Variants in LRRFIP1 observed in about 807,000 individuals in gnomAD.
The protein encoded by LRRFIP1 is LRR binding FLII interacting protein 1, also known as leucine-rich repeat flightless-interacting protein 1.
Under a neutral mutation model 104.4 loss-of-function variants are expected in LRRFIP1, and 62 were observed. The observed-to-expected ratio is 0.59, with a 90% CI of 0.48 to 0.73. The LOEUF (loss-of-function observed/expected upper bound fraction) is 0.73, where lower values mean the gene tolerates loss of function less well. Among genes scored for constraint, LRRFIP1 ranks in the 30% least tolerant of loss-of-function variants. The probability of loss-of-function intolerance (pLI) is 0.00; values close to 1 mark genes in which losing one functional copy is unlikely to be tolerated. For missense variants in LRRFIP1, 796 were observed against 824.5 expected (o/e 0.97, Z 0.42); for synonymous variants, 300 against 299.0 (o/e 1.00, Z -0.03).
At chr2:237,639,577 G>T (rs1288355919) in intron 1 of LRRFIP1, among the ~76,000 whole-genome samples, 2 of 152,132 alleles carry the variant, frequency 1.3e-5, no homozygotes, top group Admixed American at 6.5e-5. Context: ...GCCTTGTTCT[G>T]CACGGTTTAT....
At chr2:237,727,823 G>A (rs1427226939) in intron 7 of LRRFIP1, 53 bp from the exon 8 acceptor site, 2 of 1,368,482 alleles carry the variant, frequency 1.5e-6, no homozygotes, top group Non-Finnish European at 2.1e-6. Flanking sequence ...ATTTGTACCT[G>A]TGAATTCATT....
intron 1 of LRRFIP1, among the ~76,000 whole-genome samples, chr2:237,646,923 G>A (rs995839401): frequency 3.9e-5 from 6 of 151,946 alleles, no homozygotes; most frequent in African/African-American, 1.4e-4. Context: ...TATGAAAATT[G>A]AAGAGACTGA....
Position 237,766,546 on chromosome 2 carries a change from G to A in LRRFIP1, c.1460-3397G>A, listed in dbSNP as rs777998135. Among the ~76,000 whole-genome samples, 2 of 152,254 alleles carry A rather than the reference G, an allele frequency of 1.3e-5. No individual in the cohort carries two copies. The highest frequency in any genetic ancestry group is 2.1e-4 in the South Asian group (1 of 4,826). On this transcript the variant is annotated intron_variant, in intron 19 of 23. Coordinates refer to ENST00000308482, the MANE Select transcript of LRRFIP1 (RefSeq NM_001137550.2). This position sits in a 1 kb window ranked among gnomAD's most constrained non-coding sequence, Gnocchi z 4.8. ...GTTATTCACCAGCACCCTGCAGGAC[G>A]TTGGGCACACATCACATCCCTCAGC... is the stretch of plus-strand genomic sequence containing the variant.
chr2:237,742,011 A>G lies in LRRFIP1; in HGVS notation c.633+2702A>G, dbSNP rs947526821. Among the ~76,000 whole-genome samples, 9 of 152,184 alleles carry G rather than the reference A, an allele frequency of 5.9e-5. 1 individual carries two copies. Among genetic ancestry groups the G allele is most frequent in the African/African-American group, 2.2e-4 (9 of 41,446 alleles). ...TTAAGCATTGTCTTTATTCAAGCAT[A>G]TGATGAAGTCTCAAAATAACAGGGC... On this transcript the variant is annotated intron_variant, in intron 11 of 23. Transcript: ENST00000308482.
intron 10 of LRRFIP1, among the ~76,000 whole-genome samples, chr2:237,736,428 A>T (rs1333786963): frequency 1.3e-5 from 2 of 152,236 alleles, no homozygotes; most frequent in African/African-American, 4.8e-5. Flanking sequence ...GATGTGATGG[A>T]TAAAGCACAA....
chr2:237,636,950 G>T (rs2083206094), intron 1 of LRRFIP1, among the ~76,000 whole-genome samples: 1 of 152,206 alleles, frequency 6.6e-6, no homozygotes. Context: ...CCTGCAGGTG[G>T]AGTTTTGTTT....
intron 4 of LRRFIP1, among the ~76,000 whole-genome samples, chr2:237,718,234 C>T (rs1261797419): frequency 6.6e-6 from 1 of 152,276 alleles, no homozygotes; most frequent in Non-Finnish European, 1.5e-5. Context: ...CTGAGAGGTA[C>T]ATTATGCTCC....
chr2:237,735,159 G>T lies in LRRFIP1; in HGVS notation c.490-109G>T. 1.2e-6 allele frequency: 1 copy of T among 818,454 alleles called. No homozygotes were observed. Among genetic ancestry groups the T allele is most frequent in the Non-Finnish European group, 1.9e-6 (1 of 513,570 alleles). The allele number at this position is 818,454 out of a possible 1,614,324, so 50.7% of individuals were successfully genotyped here. A position where few individuals can be genotyped will look rare whatever the true frequency, so the allele number is the denominator to read the frequency against. Reference sequence around the variant, plus strand: ...CAGCCTCCCCTGCATGCTTTTTCAGGTCATGCTCCTGGCACGTGTCAGTTT... The same window carrying T: ...CAGCCTCCCCTGCATGCTTTTTCAGTTCATGCTCCTGGCACGTGTCAGTTT... On this transcript the variant is annotated intron_variant, in intron 9 of 23. Coordinates refer to ENST00000308482, the MANE Select transcript of LRRFIP1 (RefSeq NM_001137550.2). The surrounding 1 kb of genome is among the most constrained non-coding windows in gnomAD (Gnocchi z 4.6).
intron 7 of LRRFIP1, among the ~76,000 whole-genome samples, chr2:237,725,296 C>G (rs2094697542): frequency 6.6e-6 from 1 of 152,140 alleles, no homozygotes; most frequent in South Asian, 2.1e-4. Flanking sequence ...GTGTGAGACC[C>G]AGCCTGGGAG....
In LRRFIP1 at chr2:237,739,251, A is replaced by G. The variant is rs778721258; in HGVS notation, c.575A>G (p.His192Arg). 2.3e-5 allele frequency: 36 copies of G among 1,564,410 alleles called. No individual in the cohort carries two copies. The East Asian group carries it at 8.1e-4, about 35-fold the overall frequency. Residue 192 changes from histidine (H) to arginine (R), a missense_variant, in exon 11 of 24, where the codon CAC becomes CGC. Physicochemically the swap from His to Arg is conservative, Grantham distance 29. Transcript: ENST00000308482. ...GSRAPSEYSG[H>R]LNSSSRASSR... ...GGGCAGCCCTCGGAGTACAGCGGCC[A>G]CCTCAACTCCAGCTCCCGCGCCTCC...
chr2:237,747,409 G>A (rs1278371969), intron 11 of LRRFIP1, among the ~76,000 whole-genome samples: 5 of 152,178 alleles, frequency 3.3e-5, no homozygotes, highest in Non-Finnish European at 7.4e-5. Flanking sequence ...GCCATAGATG[G>A]GAAGTGGTCA....
chr2:237,704,171 A>G, intron 1 of LRRFIP1, among the ~76,000 whole-genome samples: 1 of 110,304 alleles, frequency 9.1e-6, no homozygotes, highest in Non-Finnish European at 1.9e-5. Context: ...TTTTTTTTTC[A>G]AGGCAGAGTC....
chr2:237,765,885 AT>A lies in LRRFIP1; in HGVS notation c.1460-4056del, dbSNP rs1050156586. 1.2e-5 allele frequency: 12 copies of A among 984,830 alleles called. No individual in the cohort carries two copies. The African/African-American group carries it at 2.1e-4, about 17-fold the overall frequency. 61.0% of individuals were successfully genotyped at this position (984,830 alleles called of 1,614,324 possible). On this transcript the variant is annotated intron_variant, in intron 19 of 23. Transcript: ENST00000308482. ...TTTGAGGAAAACGTGTTATTATGTA[AT>A]TGAAATAAAAACATTTTATAATTGT...
chr2:237,751,194 C>A lies in LRRFIP1; in HGVS notation c.796-6C>A. On this transcript the variant is annotated splice_polypyrimidine_tract_variant and splice_region_variant and intron_variant, in intron 13 of 23. Transcript: ENST00000308482. ...CATCATCTGCCTTTTTTGCCATTTC[C>A]CCCAGGAACTCAATGAGTTAAAGGA... 1.2e-6 allele frequency: 2 copies of A among 1,601,306 alleles called. No individual in the cohort carries two copies. Among genetic ancestry groups the A allele is most frequent in the Non-Finnish European group, 1.7e-6 (2 of 1,174,324 alleles).
chr2:237,762,952 C>T, intron 19 of LRRFIP1: 1 of 1,614,214 alleles, frequency 6.2e-7, no homozygotes, highest in Non-Finnish European at 8.5e-7. Flanking sequence ...GTTGGAGTGA[C>T]TTAGATGGTG....
chr2:237,765,347 G>T lies in LRRFIP1; in HGVS notation c.1460-4596G>T, dbSNP rs60969903. 1.1e-3 allele frequency: 420 copies of T among 378,764 alleles called. 4 individuals are homozygous for T. The highest frequency in any genetic ancestry group is 7.7e-3 in the African/African-American group (343 of 44,674). 23.5% of individuals were successfully genotyped at this position (378,764 alleles called of 1,614,324 possible). On this transcript the variant is annotated intron_variant, in intron 19 of 23. Coordinates refer to ENST00000308482, the MANE Select transcript of LRRFIP1 (RefSeq NM_001137550.2). ...GCACATTGGGAAGCCAAGGTGGGAG[G>T]ATTGCTTGAGGCCAGGAGTTCAAGG...
intron 1 of LRRFIP1, among the ~76,000 whole-genome samples, chr2:237,689,612 T>C (rs1033676146): frequency 2.0e-5 from 3 of 152,156 alleles, no homozygotes; most frequent in Non-Finnish European, 2.9e-5. Flanking sequence ...CCACAGCTGT[T>C]GTGGCAGGCA....
intron 8 of LRRFIP1, among the ~76,000 whole-genome samples, chr2:237,731,076 G>C (rs1488830481): frequency 1.3e-5 from 2 of 152,222 alleles, no homozygotes; most frequent in African/African-American, 4.8e-5. Context: ...GTGCCATGTG[G>C]CTGAGCACAG....
rs554063704 is a variant in LRRFIP1 at position 237,739,109 on chromosome 2, G to A, written c.556-123G>A. ...TAACCCTAACTCTCTTTTCCTTGCCGTGCGTGGCTAACCTCACCACTTACT... is the reference window on the plus strand; with the variant it reads ...TAACCCTAACTCTCTTTTCCTTGCCATGCGTGGCTAACCTCACCACTTACT... On this transcript the variant is annotated intron_variant, in intron 10 of 23. Coordinates refer to ENST00000308482, the MANE Select transcript of LRRFIP1 (RefSeq NM_001137550.2). 6.6e-4 allele frequency: 488 copies of A among 739,340 alleles called. 6 individuals are homozygous for A. In the South Asian group the frequency reaches 7.2e-3, roughly 11 times the overall value. The allele number at this position is 739,340 out of a possible 1,614,324, so 45.8% of individuals were successfully genotyped here.
Sources: allele counts gnomAD v4.1 joint callset (sites outside exome capture counted in the v4.1 genomes callset), GRCh38; gene constraint gnomAD v4.1.1; non-coding constraint Gnocchi (gnomAD v3.1); transcripts MANE v1.5; gene names NCBI Gene and HGNC (gene_info 2026-07-23, HGNC 2026-07-21).